The following HDAC9 variants were observed in gnomAD, a reference collection of about 807,000 sequenced individuals.
HDAC9 encodes MEF-2 interacting transcription repressor (MITR) protein.
A neutral mutation model predicts 139.4 loss-of-function variants in HDAC9; 41 were observed. That is an observed-to-expected ratio of 0.29 (90% CI 0.23 to 0.38). The LOEUF is 0.38. Ranked by LOEUF, HDAC9 falls within the 10% of genes least tolerant of loss-of-function variation. The pLI is 1.00. For missense variants in HDAC9, 1,147 were observed against 1,297.0 expected (o/e 0.88, Z 1.78); for synonymous variants, 517 against 476.2 (o/e 1.09, Z -1.12).
At chr7:18,161,295 C>T (rs749411738) in intron 1 of HDAC9, among the ~76,000 whole-genome samples, 6 of 152,066 alleles carry the variant, frequency 3.9e-5, no homozygotes, top group Non-Finnish European at 8.8e-5. Flanking sequence ...GTATTTATAT[C>T]TGGCTTTATA....
intron 16 of HDAC9, among the ~76,000 whole-genome samples, chr7:18,787,652 A>C (rs1791935496): frequency 6.6e-6 from 1 of 152,230 alleles, no homozygotes; most frequent in South Asian, 2.1e-4. Context: ...TGTAAAATAC[A>C]GTTAAACCTC....
intron 15 of HDAC9, 107 bp downstream of exon 15, chr7:18,762,384 G>C: frequency 7.7e-7 from 1 of 1,303,782 alleles, no homozygotes; most frequent in Middle Eastern, 2.5e-4. Context: ...CAAAAAATCA[G>C]TTTTTCCAAC....
intron 22 of HDAC9, among the ~76,000 whole-genome samples, chr7:18,913,316 A>C (rs570387629): frequency 7.2e-5 from 11 of 152,250 alleles, no homozygotes; most frequent in Middle Eastern, 3.4e-3. Flanking sequence ...CTTGATGCAC[A>C]AATGTTTTTC....
At chr7:18,768,098 T>A (rs904913928) in intron 16 of HDAC9, among the ~76,000 whole-genome samples, 1 of 152,192 alleles carries the variant, frequency 6.6e-6, no homozygotes, top group Non-Finnish European at 1.5e-5. Context: ...GAAAACAGAA[T>A]GGTAGCTATA....
At chr7:18,668,531 CAAAA>C (rs201375370) in intron 12 of HDAC9, 2 of 977,682 alleles carry the variant, frequency 2.0e-6, no homozygotes, top group Non-Finnish European at 2.4e-6. Flanking sequence ...TAATCACAAA[CAAAA>C]AAAACTATTT....
At chr7:18,705,248 T>C (rs1424481052) in intron 12 of HDAC9, among the ~76,000 whole-genome samples, 1 of 152,182 alleles carries the variant, frequency 6.6e-6, no homozygotes, top group Non-Finnish European at 1.5e-5. Context: ...GATTCCCCAT[T>C]GCGGGAGCTC....
intron 2 of HDAC9, among the ~76,000 whole-genome samples, chr7:18,528,548 C>G (rs955178099): frequency 6.6e-6 from 1 of 152,040 alleles, no homozygotes; most frequent in South Asian, 2.1e-4. Context: ...TGCCACTTTA[C>G]TTACTTTTCA....
intron 1 of HDAC9, among the ~76,000 whole-genome samples, chr7:18,293,541 TTTAGTACTGGCCAC>T (rs1384980949): frequency 1.3e-5 from 2 of 152,132 alleles, no homozygotes; most frequent in Non-Finnish European, 2.9e-5. Flanking sequence ...AGAGCAGCTC[TTTAGTACTGGCCAC>T]TGCAAACCAT....
At chr7:18,127,299 A>G (rs983389371) in intron 1 of HDAC9, 1 of 170,256 alleles carries the variant, frequency 5.9e-6, no homozygotes, top group South Asian at 2.0e-4. Flanking sequence ...TATATTACCA[A>G]ATTATTTGTT....
At chr7:18,932,918 A>G (rs1045233975) in intron 22 of HDAC9, among the ~76,000 whole-genome samples, 4 of 150,792 alleles carry the variant, frequency 2.7e-5, no homozygotes, top group African/African-American at 9.8e-5. Flanking sequence ...ATTTGTAATA[A>G]AGTTTTAAGG....
chr7:18,604,069 A>G (rs766866210), intron 6 of HDAC9, among the ~76,000 whole-genome samples: 6 of 151,960 alleles, frequency 3.9e-5, no homozygotes, highest in Non-Finnish European at 5.9e-5. Flanking sequence ...ATCTTCTGCA[A>G]TTTGAACATG....
chr7:18,604,695 G>A lies in HDAC9; in HGVS notation c.664+10666G>A, dbSNP rs145044354. On this transcript the variant is annotated intron_variant, in intron 6 of 25. Transcript: ENST00000686413. ...ATTACAGGCGTGAGCCACCGCGCCC[G>A]GATAAGACCTTTTTTAAATTTCTAC... 7.9e-3 allele frequency among the ~76,000 whole-genome samples: 1,209 copies of A among 152,140 alleles called. 20 individuals are homozygous for A. Among genetic ancestry groups the A allele is most frequent in the Non-Finnish European group, 6.9e-3 (468 of 68,000 alleles).
Position 18,731,316 on chromosome 7 carries a change from C to T in HDAC9, c.1909+3559C>T, listed in dbSNP as rs181947604. 2.6e-3 allele frequency among the ~76,000 whole-genome samples: 392 copies of T among 152,038 alleles called. 2 individuals are homozygous for T. The highest frequency in any genetic ancestry group is 8.5e-3 in the African/African-American group (352 of 41,460). ...GCTGTTCCACTAAATAGCAAGGTAG[C>T]GGACACAGACACATTATAAAGCTAG... On this transcript the variant is annotated intron_variant, in intron 13 of 25. Transcript: ENST00000686413.
In HDAC9 at chr7:18,215,615, A is replaced by G. The variant is rs367995498; in HGVS notation, c.25+53266A>G. ...GTGACTGTGTCCTTGCCCTCAAAGA[A>G]CTTTTGGCATTTGGCACCAAAAGGG... On this transcript the variant is annotated intron_variant, in intron 2 of 12. Transcript: ENST00000417496. 3.9e-4 allele frequency among the ~76,000 whole-genome samples: 59 copies of G among 152,274 alleles called. No individual in the cohort carries two copies. In the East Asian group the frequency reaches 7.9e-3, roughly 20 times the overall value.
intron 16 of HDAC9, among the ~76,000 whole-genome samples, chr7:18,774,930 T>G (rs556693422): frequency 6.6e-5 from 10 of 152,172 alleles, no homozygotes; most frequent in African/African-American, 2.2e-4. Context: ...TTCTAGCTTT[T>G]GATTGAGAGT....
At chr7:18,825,301 T>C (rs1360249541) in intron 17 of HDAC9, among the ~76,000 whole-genome samples, 1 of 152,156 alleles carries the variant, frequency 6.6e-6, no homozygotes, top group Non-Finnish European at 1.5e-5. Context: ...GTAATTTCAG[T>C]ATTTAAAAAT....
intron 12 of HDAC9, chr7:18,668,935 C>T (rs975572426): frequency 4.2e-6 from 4 of 958,282 alleles, no homozygotes; most frequent in African/African-American, 1.8e-5. Flanking sequence ...AAATACATTG[C>T]CAGTCTTTGT....
intron 1 of HDAC9, among the ~76,000 whole-genome samples, chr7:18,365,038 C>A (rs1174977462): frequency 6.6e-6 from 1 of 151,928 alleles, no homozygotes; most frequent in Non-Finnish European, 1.5e-5. Context: ...AGAGATGGGG[C>A]AAAGAGTGTT....
chr7:18,717,866 AAGG>A (rs1225495256), intron 12 of HDAC9, among the ~76,000 whole-genome samples: 7 of 152,238 alleles, frequency 4.6e-5, no homozygotes, highest in African/African-American at 1.4e-4. Flanking sequence ...GAAATTAAGA[AAGG>A]AGATAAAAAT....
Sources: allele counts gnomAD v4.1 joint callset (sites outside exome capture counted in the v4.1 genomes callset), GRCh38; gene constraint gnomAD v4.1.1; transcripts MANE v1.5; gene names NCBI Gene and HGNC (gene_info 2026-07-23, HGNC 2026-07-21).